ROBO1: variants seen among roughly 807,000 people sequenced by gnomAD.
The protein encoded by ROBO1 is roundabout guidance receptor 1.
Under a neutral mutation model 195.9 loss-of-function variants are expected in ROBO1, and 149 were observed. The ratio of observed to expected loss-of-function variants is 0.76; its 90% confidence interval spans 0.67 to 0.87. The LOEUF is 0.87. ROBO1 is among the 40% of genes least tolerant of loss of function. ROBO1 has a pLI of 0.00. For synonymous variants in ROBO1, 816 were observed against 733.2 expected (o/e 1.11, Z -1.82); for missense variants, 1,933 against 2,068.3 (o/e 0.93, Z 1.27).
chr3:79,510,552 C>CTTT (rs11293666), intron 2 of ROBO1, among the ~76,000 whole-genome samples: 35 of 144,512 alleles, frequency 2.4e-4, no homozygotes, highest in African/African-American at 8.1e-4. Flanking sequence ...ATCCTTTCTT[C>CTTT]TTTTTTTTTT....
At chr3:79,688,122 A>G (rs1392359016) in intron 1 of ROBO1, among the ~76,000 whole-genome samples, 1 of 150,984 alleles carries the variant, frequency 6.6e-6, no homozygotes, top group East Asian at 2.0e-4. Context: ...CGCAAGGACT[A>G]AAAACCAAAC....
chr3:79,469,057 G>T (rs1032966201), intron 2 of ROBO1, among the ~76,000 whole-genome samples: 3 of 152,038 alleles, frequency 2.0e-5, no homozygotes, highest in African/African-American at 7.2e-5. Context: ...AGACAAAATG[G>T]GAAGGTAAAA....
intron 2 of ROBO1, among the ~76,000 whole-genome samples, chr3:79,372,302 G>T (rs917624330): frequency 1.3e-5 from 2 of 151,862 alleles, no homozygotes; most frequent in South Asian, 4.2e-4. Context: ...CGCCTCCCGG[G>T]TTCAAGCGAT....
At chr3:79,355,295 G>A (rs773071568) in intron 2 of ROBO1, among the ~76,000 whole-genome samples, 2 of 152,024 alleles carry the variant, frequency 1.3e-5, no homozygotes, top group African/African-American at 2.4e-5. Flanking sequence ...TAATGCAGCT[G>A]TAATAAGTGC....
chr3:78,984,903 A>C (rs2077071908), intron 3 of ROBO1, among the ~76,000 whole-genome samples: 1 of 152,146 alleles, frequency 6.6e-6, no homozygotes, highest in South Asian at 2.1e-4. Context: ...AGCCTCTACC[A>C]CTTGTGAGAC....
intron 1 of ROBO1, among the ~76,000 whole-genome samples, chr3:79,674,749 G>T (rs1024297414): frequency 6.0e-5 from 9 of 151,212 alleles, no homozygotes; most frequent in Non-Finnish European, 1.2e-4. Flanking sequence ...AGAAACTTTT[G>T]CATTTCATTC....
chr3:79,163,225 C>T (rs2081004853), intron 2 of ROBO1, among the ~76,000 whole-genome samples: 1 of 152,088 alleles, frequency 6.6e-6, no homozygotes, highest in Non-Finnish European at 1.5e-5. Context: ...CTCTCTGTTT[C>T]AATGGCTTTG....
intron 3 of ROBO1, among the ~76,000 whole-genome samples, chr3:78,971,440 G>A (rs575960245): frequency 3.9e-5 from 6 of 152,162 alleles, no homozygotes; most frequent in Non-Finnish European, 8.8e-5. Flanking sequence ...TGATTTGGTA[G>A]GTCTAAAGTG....
intron 3 of ROBO1, among the ~76,000 whole-genome samples, chr3:79,040,300 A>T (rs2078462733): frequency 6.6e-6 from 1 of 152,188 alleles, no homozygotes; most frequent in Non-Finnish European, 1.5e-5. Flanking sequence ...TGTCAGCTCT[A>T]ACATCACAAA....
chr3:79,089,640 A>C (rs953711503), intron 3 of ROBO1, among the ~76,000 whole-genome samples: 2 of 152,204 alleles, frequency 1.3e-5, no homozygotes, highest in East Asian at 1.9e-4. Flanking sequence ...TCTCCAATAC[A>C]TACTCTCACT....
chr3:79,543,498 C>T (rs768522742), intron 2 of ROBO1, among the ~76,000 whole-genome samples: 1 of 152,012 alleles, frequency 6.6e-6, no homozygotes, highest in Non-Finnish European at 1.5e-5. Context: ...GGAAAGAAAG[C>T]ACAGTGCAAA....
At chr3:79,722,623 A>C (rs2107303483) in intron 1 of ROBO1, among the ~76,000 whole-genome samples, 1 of 152,340 alleles carries the variant, frequency 6.6e-6, no homozygotes, top group African/African-American at 2.4e-5. Context: ...ATAATCTATA[A>C]CTTTCAGAAA....
chr3:79,761,229 A>G (rs1047918064), intron 1 of ROBO1, among the ~76,000 whole-genome samples: 5 of 149,978 alleles, frequency 3.3e-5, no homozygotes, highest in African/African-American at 1.2e-4. Context: ...AAGTAACTGT[A>G]CCCGAAGCAA....
chr3:79,492,800 T>C (rs760950051), intron 2 of ROBO1, among the ~76,000 whole-genome samples: 15 of 152,252 alleles, frequency 9.9e-5, no homozygotes, highest in Non-Finnish European at 1.9e-4. Flanking sequence ...TCTACTGGAA[T>C]TAATGTATAC....
chr3:79,514,646 C>A (rs1359359555), intron 2 of ROBO1, among the ~76,000 whole-genome samples: 1 of 152,088 alleles, frequency 6.6e-6, no homozygotes, highest in Non-Finnish European at 1.5e-5. Context: ...TGTATTAACA[C>A]TATAAACACT....
At chr3:78,676,298 C>T (rs543323847) in intron 10 of ROBO1, among the ~76,000 whole-genome samples, 5 of 152,314 alleles carry the variant, frequency 3.3e-5, no homozygotes, top group Admixed American at 6.5e-5. Context: ...CGCAGTTCCT[C>T]ACCAGCAACG....
chr3:79,457,754 C>T (rs942352903), intron 2 of ROBO1, among the ~76,000 whole-genome samples: 1 of 152,190 alleles, frequency 6.6e-6, no homozygotes. Flanking sequence ...TTTGTTCCTC[C>T]TTTGCCTTCC....
At chr3:79,104,138 G>A (rs544059026) in intron 3 of ROBO1, among the ~76,000 whole-genome samples, 3 of 151,866 alleles carry the variant, frequency 2.0e-5, no homozygotes, top group South Asian at 2.1e-4. Flanking sequence ...TGTTGAAGCC[G>A]GGTAAAGTAT....
chr3:79,465,856 C>CT (rs1352924072), intron 2 of ROBO1, among the ~76,000 whole-genome samples: 1 of 152,000 alleles, frequency 6.6e-6, no homozygotes, highest in Non-Finnish European at 1.5e-5. Context: ...AAAGGTTTAT[C>CT]TTTTTACTCT....
Sources: allele counts gnomAD v4.1 joint callset (sites outside exome capture counted in the v4.1 genomes callset), GRCh38; gene constraint gnomAD v4.1.1; transcripts MANE v1.5; gene names NCBI Gene and HGNC (gene_info 2026-07-23, HGNC 2026-07-21).